SND1: variants seen among roughly 807,000 people sequenced by gnomAD.
SND1 encodes the protein staphylococcal nuclease and tudor domain containing 1.
Under a neutral mutation model 121.7 loss-of-function variants are expected in SND1, and 38 were observed. The ratio of observed to expected loss-of-function variants is 0.31; its 90% confidence interval spans 0.24 to 0.41. The LOEUF (loss-of-function observed/expected upper bound fraction) is 0.41. Ranked by LOEUF, SND1 falls within the 10% of genes least tolerant of loss-of-function variation. The pLI is 1.00. For synonymous variants in SND1, 401 were observed against 447.4 expected (o/e 0.90, Z 1.31); for missense variants, 868 against 1,184.6 (o/e 0.73, Z 3.92).
intron 9 of SND1, 40 bp downstream of exon 9, chr7:127,707,687 T>G (rs769157643): frequency 1.7e-5 from 25 of 1,504,420 alleles, no homozygotes; most frequent in Non-Finnish European, 2.3e-5. Flanking sequence ...TAGTGGACAT[T>G]GCCAGGCGAG....
chr7:127,905,929 G>A (rs941771607), intron 14 of SND1, among the ~76,000 whole-genome samples: 1 of 152,168 alleles, frequency 6.6e-6, no homozygotes, highest in Non-Finnish European at 1.5e-5. Context: ...CAGGAGAGAT[G>A]AATCAGAGTG....
intron 1 of SND1, among the ~76,000 whole-genome samples, chr7:127,655,747 A>G (rs1215615997): frequency 6.6e-6 from 1 of 152,216 alleles, no homozygotes; most frequent in Admixed American, 6.5e-5. Context: ...TTGGGTACTT[A>G]GTATAAATTG....
chr7:127,977,526 G>A (rs190090353), intron 15 of SND1, among the ~76,000 whole-genome samples: 1 of 152,140 alleles, frequency 6.6e-6, no homozygotes, highest in Non-Finnish European at 1.5e-5. Context: ...ATAAGAAGCA[G>A]AACATTGTGT....
chr7:127,783,556 C>T (rs974635310), intron 10 of SND1, among the ~76,000 whole-genome samples: 1 of 152,138 alleles, frequency 6.6e-6, no homozygotes, highest in Non-Finnish European at 1.5e-5. Flanking sequence ...AGGCTGCATG[C>T]TGTTAACACA....
At chr7:127,878,321 A>AT (rs1175000422) in intron 12 of SND1, among the ~76,000 whole-genome samples, 1 of 152,190 alleles carries the variant, frequency 6.6e-6, no homozygotes, top group East Asian at 1.9e-4. Flanking sequence ...ACTAAAACTT[A>AT]TTAGAGAGAT....
chr7:128,017,349 C>T (rs924208194), intron 16 of SND1, among the ~76,000 whole-genome samples: 9 of 152,198 alleles, frequency 5.9e-5, no homozygotes, highest in African/African-American at 1.7e-4. Context: ...TAGGTAGCTG[C>T]TTGCTACCAG....
At chr7:128,011,711 C>T (rs1178417642) in intron 16 of SND1, among the ~76,000 whole-genome samples, 1 of 152,122 alleles carries the variant, frequency 6.6e-6, no homozygotes, top group Non-Finnish European at 1.5e-5. Context: ...TTAGTTGATA[C>T]CAAGGAATAA....
intron 1 of SND1, among the ~76,000 whole-genome samples, chr7:127,673,189 TTATAA>T (rs989559810): frequency 1.9e-4 from 26 of 137,784 alleles, no homozygotes; most frequent in South Asian, 4.6e-4. Context: ...ATACTATATA[TTATAA>T]TATATGATAT....
intron 16 of SND1, among the ~76,000 whole-genome samples, chr7:128,041,145 C>T (rs944109967): frequency 2.0e-5 from 3 of 152,172 alleles, no homozygotes; most frequent in East Asian, 1.9e-4. Context: ...ACCTTAAGAG[C>T]GGAGGGGGCC....
chr7:127,777,552 A>G (rs1242861152), intron 10 of SND1, among the ~76,000 whole-genome samples: 1 of 152,248 alleles, frequency 6.6e-6, no homozygotes. Context: ...CAGTAGGGAC[A>G]TGATAGCACT....
intron 9 of SND1, chr7:127,718,714 A>G (rs920560256): frequency 1.0e-6 from 1 of 985,434 alleles, no homozygotes. Flanking sequence ...GTAACTTGTT[A>G]CAGGACATCC....
At chr7:127,946,855 C>T (rs1801340631) in intron 15 of SND1, among the ~76,000 whole-genome samples, 1 of 152,202 alleles carries the variant, frequency 6.6e-6, no homozygotes, top group South Asian at 2.1e-4. Flanking sequence ...CAAAGATCTT[C>T]CATTTACCCT....
At chr7:127,850,030 A>T (rs963580910) in intron 12 of SND1, among the ~76,000 whole-genome samples, 1 of 152,228 alleles carries the variant, frequency 6.6e-6, no homozygotes, top group Non-Finnish European at 1.5e-5. Flanking sequence ...GAACCAGACT[A>T]TTAAATTTGC....
chr7:128,011,550 G>C (rs1170793201), intron 16 of SND1, among the ~76,000 whole-genome samples: 1 of 152,232 alleles, frequency 6.6e-6, no homozygotes. Context: ...GCTTGCTTCA[G>C]ATCCCAGAGC....
At chr7:127,822,447 T>TA (rs1798564834) in intron 11 of SND1, among the ~76,000 whole-genome samples, 1 of 152,212 alleles carries the variant, frequency 6.6e-6, no homozygotes. Flanking sequence ...TACTTGAAAA[T>TA]GCAACTGTGA....
chr7:127,690,745 GCAATGTGGCACTA>G (rs1335685915), intron 2 of SND1, among the ~76,000 whole-genome samples: 5 of 152,200 alleles, frequency 3.3e-5, no homozygotes, highest in Non-Finnish European at 5.9e-5. Flanking sequence ...GAAAGATTGT[GCAATGTGGCACTA>G]CGCTTTCTCT....
intron 16 of SND1, among the ~76,000 whole-genome samples, chr7:128,001,747 C>T (rs1802836206): frequency 1.3e-5 from 2 of 152,302 alleles, no homozygotes; most frequent in South Asian, 4.1e-4. Flanking sequence ...ACCTGACCAA[C>T]ATGGAGAAAC....
chr7:127,796,833 G>A (rs1439843374), intron 10 of SND1, among the ~76,000 whole-genome samples: 1 of 147,618 alleles, frequency 6.8e-6, no homozygotes, highest in Admixed American at 6.7e-5. Context: ...AAATAATTTT[G>A]CTTGGTTTTC....
chr7:127,900,913 G>T (rs1421257915), intron 13 of SND1, among the ~76,000 whole-genome samples: 6 of 152,180 alleles, frequency 3.9e-5, no homozygotes, highest in Admixed American at 3.3e-4. Context: ...CTGCTGGCTG[G>T]CCTGCACACT....
Sources: gnomAD v4.1 joint callset for allele counts (sites outside exome capture counted in the v4.1 genomes callset) on GRCh38, gnomAD v4.1.1 for gene constraint, MANE v1.5 for transcripts, NCBI Gene and HGNC (gene_info 2026-07-23, HGNC 2026-07-21) for gene names.